Variants in EFCAB5 observed in about 807,000 individuals in gnomAD.
EFCAB5 encodes EF-hand calcium-binding domain-containing protein 5.
EFCAB5 carries 131 observed loss-of-function variants against 167.9 expected under a neutral mutation model. The observed-to-expected ratio is 0.78, with a 90% CI of 0.68 to 0.90. The LOEUF is 0.90. Ranked by LOEUF, EFCAB5 falls within the 40% of genes least tolerant of loss-of-function variation. The probability of loss-of-function intolerance (pLI) is 0.00; values close to 1 mark genes in which losing one functional copy is unlikely to be tolerated. For missense variants in EFCAB5, 1,663 were observed against 1,745.2 expected (o/e 0.95, Z 0.84); for synonymous variants, 574 against 602.8 (o/e 0.95, Z 0.70).
At chr17:30,089,000 T>C (rs1268964195) in intron 19 of EFCAB5, among the ~76,000 whole-genome samples, 1 of 152,148 alleles carries the variant, frequency 6.6e-6, no homozygotes, top group Non-Finnish European at 1.5e-5. Context: ...TGCAGGTTTG[T>C]TACATATGTA....
At chr17:30,029,561 CTTTT>C (rs35394158) in intron 7 of EFCAB5, among the ~76,000 whole-genome samples, 1 of 140,734 alleles carries the variant, frequency 7.1e-6, no homozygotes, top group African/African-American at 2.6e-5. Flanking sequence ...TAGCACTAAT[CTTTT>C]TTTTTTTTTT....
intron 7 of EFCAB5, among the ~76,000 whole-genome samples, chr17:30,017,856 C>T (rs2069084040): frequency 6.6e-6 from 1 of 152,092 alleles, no homozygotes; most frequent in South Asian, 2.1e-4. Flanking sequence ...TCTGTAATTA[C>T]AATTGCCATA....
At chr17:30,099,694 G>A (rs1011338879) in intron 22 of EFCAB5, among the ~76,000 whole-genome samples, 1 of 152,172 alleles carries the variant, frequency 6.6e-6, no homozygotes, top group South Asian at 2.1e-4. Context: ...ACTTACAGCT[G>A]TGCAGTTTGT....
chr17:30,069,705 C>T lies in EFCAB5; in HGVS notation c.2738-8510C>T, dbSNP rs190708449. ...AGGCTGTGTACTCTCATGTACCCGC[C>T]GTAGTCTCATGTACCCCCGGTGCTG... On this transcript the variant is annotated intron_variant, in intron 14 of 22. Coordinates refer to ENST00000394835, the MANE Select transcript of EFCAB5 (RefSeq NM_198529.4). 1,953 of 1,149,278 alleles carry T rather than the reference C, an allele frequency of 1.7e-3. 29 individuals carry two copies. The African/African-American group carries it at 0.027, about 16-fold the overall frequency. The allele number at this position is 1,149,278 out of a possible 1,614,324, so 71.2% of individuals were successfully genotyped here. A position where few individuals can be genotyped will look rare whatever the true frequency, so the allele number is the denominator to read the frequency against.
rs139030022 is a variant in EFCAB5 at position 30,085,535 on chromosome 17, A to G, written c.3580-1528A>G. ...GGAGATCGAGACCATCCTGGCTAAC[A>G]TGGTGAAACCCCGTCTCTACTAAAA... On this transcript the variant is annotated intron_variant, in intron 18 of 22. Transcript: ENST00000394835. 1.7e-3 allele frequency among the ~76,000 whole-genome samples: 258 copies of G among 152,240 alleles called. 1 individual carries two copies. Among genetic ancestry groups the G allele is most frequent in the Non-Finnish European group, 1.4e-3 (97 of 68,018 alleles).
chr17:29,938,381 C>T (rs537913550), upstream of EFCAB5, among the ~76,000 whole-genome samples: 6 of 152,256 alleles, frequency 3.9e-5, no homozygotes, highest in South Asian at 2.1e-4. Flanking sequence ...GATCTTGCCT[C>T]GATGTTGATA....
intron 3 of EFCAB5, among the ~76,000 whole-genome samples, chr17:29,951,414 T>G (rs1461990610): frequency 6.6e-6 from 1 of 152,160 alleles, no homozygotes; most frequent in Non-Finnish European, 1.5e-5. Context: ...CTCCGCTCAC[T>G]GCAACCTCCA....
At chr17:30,083,903 A>AT (rs1231863805) in intron 18 of EFCAB5, among the ~76,000 whole-genome samples, 2 of 152,116 alleles carry the variant, frequency 1.3e-5, no homozygotes, top group African/African-American at 4.8e-5. Flanking sequence ...TATGACACCG[A>AT]TTTTTTTAAG....
chr17:30,023,620 C>A (rs1421414672), intron 7 of EFCAB5, among the ~76,000 whole-genome samples: 2 of 152,120 alleles, frequency 1.3e-5, no homozygotes, highest in East Asian at 3.9e-4. Flanking sequence ...GAACTGGTAC[C>A]ATTCCTTCTG....
chr17:29,978,500 C>A (rs2151601445), intron 4 of EFCAB5, among the ~76,000 whole-genome samples: 1 of 152,224 alleles, frequency 6.6e-6, no homozygotes, highest in African/African-American at 2.4e-5. Flanking sequence ...GAAATTCAAC[C>A]ACTTATGGAC....
At chr17:30,080,393 T>G (rs1047682630) in intron 16 of EFCAB5, among the ~76,000 whole-genome samples, 152 bp downstream of exon 16, 5 of 152,246 alleles carry the variant, frequency 3.3e-5, no homozygotes, top group Non-Finnish European at 7.3e-5. Context: ...CTTCCAGTCC[T>G]GGATGATTTC....
At chr17:30,069,920 C>G (rs2070687656) in intron 14 of EFCAB5, among the ~76,000 whole-genome samples, 1 of 152,208 alleles carries the variant, frequency 6.6e-6, no homozygotes, top group African/African-American at 2.4e-5. Flanking sequence ...AAACTGAATG[C>G]TGGAGCTGGT....
chr17:29,986,112 C>G (rs2068276782), intron 4 of EFCAB5, among the ~76,000 whole-genome samples: 1 of 152,338 alleles, frequency 6.6e-6, no homozygotes, highest in Admixed American at 6.5e-5. Context: ...TTCAAGCGCT[C>G]CAGTTCCTGG....
chr17:29,961,876 A>G (rs548471211), intron 3 of EFCAB5, among the ~76,000 whole-genome samples: 1 of 152,166 alleles, frequency 6.6e-6, no homozygotes, highest in African/African-American at 2.4e-5. Context: ...TTTTGTATAT[A>G]AGGTAAAGGA....
chr17:29,975,954 A>G (rs1359901423), intron 4 of EFCAB5, among the ~76,000 whole-genome samples: 2 of 152,240 alleles, frequency 1.3e-5, no homozygotes, highest in African/African-American at 4.8e-5. Context: ...AGAGAGGTTT[A>G]GTACTAGTGA....
chr17:29,930,013 G>T, intron 1 of EFCAB5: 1 of 1,591,412 alleles, frequency 6.3e-7, no homozygotes, highest in East Asian at 2.3e-5. Flanking sequence ...AGGCGCTGCT[G>T]GGTTGTTCCG....
chr17:30,020,365 T>G (rs557233299), intron 7 of EFCAB5, among the ~76,000 whole-genome samples: 13 of 151,460 alleles, frequency 8.6e-5, no homozygotes, highest in Admixed American at 8.5e-4. Context: ...TCTTTTTTTT[T>G]TTTTCTTTTT....
At chr17:30,015,154 C>T (rs2069003286) in intron 7 of EFCAB5, among the ~76,000 whole-genome samples, 1 of 152,206 alleles carries the variant, frequency 6.6e-6, no homozygotes, top group Non-Finnish European at 1.5e-5. Flanking sequence ...TGTAGGGTTT[C>T]TGCTGAGAGA....
intron 14 of EFCAB5, chr17:30,069,563 C>G: frequency 6.2e-7 from 1 of 1,613,196 alleles, no homozygotes; most frequent in South Asian, 1.1e-5. Flanking sequence ...CGCTGGCTTC[C>G]GCGTATGGAT....
Sources: gnomAD v4.1 joint callset for allele counts (sites outside exome capture counted in the v4.1 genomes callset) on GRCh38, gnomAD v4.1.1 for gene constraint, MANE v1.5 for transcripts, NCBI Gene and HGNC (gene_info 2026-07-23, HGNC 2026-07-21) for gene names.